Variants in GLRA2 observed in about 807,000 individuals in gnomAD.
The protein encoded by GLRA2 is glycine receptor alpha 2.
Under a neutral mutation model 31.6 loss-of-function variants are expected in GLRA2, and 11 were observed. The ratio of observed to expected loss-of-function variants is 0.35; its 90% confidence interval spans 0.22 to 0.58. GLRA2 has a LOEUF of 0.58. Among genes scored for constraint, GLRA2 ranks in the 20% least tolerant of loss-of-function variants. The probability of loss-of-function intolerance (pLI) is 0.84; values close to 1 mark genes in which losing one functional copy is unlikely to be tolerated. For missense variants in GLRA2, 212 were observed against 351.8 expected (o/e 0.60, Z 3.18); for synonymous variants, 132 against 134.0 (o/e 0.99, Z 0.10).
At chrX:14,618,226 C>A (rs1278365067) in intron 7 of GLRA2, among the ~76,000 whole-genome samples, 1 of 111,680 alleles carries the variant, frequency 9.0e-6, no homozygotes, top group African/African-American at 3.2e-5. Context: ...TATGTGCCTA[C>A]CTCTCTTTAT....
At chrX:14,681,910 A>AATATATATAT (rs1556060452) in intron 7 of GLRA2, among the ~76,000 whole-genome samples, 18 of 41,267 alleles carry the variant, frequency 4.4e-4, no homozygotes, top group African/African-American at 1.5e-3. Context: ...AAAAAAAAAA[A>AATATATATAT]ATATATATAT....
intron 4 of GLRA2, among the ~76,000 whole-genome samples, chrX:14,595,132 T>C (rs772203092): frequency 1.8e-5 from 2 of 111,212 alleles, no homozygotes; most frequent in Non-Finnish European, 3.8e-5. Flanking sequence ...TCTTTCCCTT[T>C]GATTTTCTTA....
chrX:14,731,378 A>T lies in GLRA2; in HGVS notation c.*893A>T, dbSNP rs2091992046. ...TATTTACACGTGACTTTAATCGCCC[A>T]ACTGTGACTAGTCATTGCAGCTACT... On this transcript the variant is annotated 3_prime_UTR_variant, in exon 9 of 9. Coordinates refer to ENST00000218075, the MANE Select transcript of GLRA2 (RefSeq NM_002063.4). 8.9e-6 allele frequency: 1 copy of T among 111,781 alleles called. No individual in the cohort carries two copies. The highest frequency in any genetic ancestry group is 1.9e-5 in the Non-Finnish European group (1 of 53,176). The allele number at this position is 111,781 out of a possible 1,213,427, so 9.2% of individuals were successfully genotyped here. A position where few individuals can be genotyped will look rare whatever the true frequency, so the allele number is the denominator to read the frequency against.
chrX:14,595,638 G>C (rs2090193445), intron 4 of GLRA2, among the ~76,000 whole-genome samples: 1 of 111,473 alleles, frequency 9.0e-6, no homozygotes. Flanking sequence ...GGAGCATCAA[G>C]TCATGCTTCT....
At chrX:14,468,068 C>T in the GLRA2 span, among the ~76,000 whole-genome samples, 2 of 111,615 alleles carry the variant, frequency 1.8e-5, no homozygotes, top group Non-Finnish European at 1.9e-5. Context: ...GAGAAATCTT[C>T]CCTGATCTGT....
chrX:14,456,760 G>T, the GLRA2 span, among the ~76,000 whole-genome samples: 47 of 112,115 alleles, frequency 4.2e-4, no homozygotes, highest in African/African-American at 1.5e-3. Flanking sequence ...TTCATCTGTT[G>T]TTGGGCACGT....
the GLRA2 span, among the ~76,000 whole-genome samples, chrX:14,498,722 CTG>C: frequency 9.0e-6 from 1 of 111,286 alleles, no homozygotes; most frequent in African/African-American, 3.3e-5. Flanking sequence ...TTACAACAAA[CTG>C]TATCTTTATA....
At chrX:14,661,874 G>A (rs866607492) in intron 7 of GLRA2, among the ~76,000 whole-genome samples, 366 of 63,980 alleles carry the variant, frequency 5.7e-3, no homozygotes, top group East Asian at 9.6e-3. Context: ...CTCTGTCTCA[G>A]AAAAAAAAAA....
chrX:14,630,972 A>G (rs889948140), intron 7 of GLRA2, among the ~76,000 whole-genome samples: 3 of 110,367 alleles, frequency 2.7e-5, no homozygotes, highest in Non-Finnish European at 5.7e-5. Context: ...AACTCCTTCC[A>G]TCAAGCCCCT....
chrX:14,706,519 T>A (rs1017830485), intron 8 of GLRA2, among the ~76,000 whole-genome samples: 3 of 112,497 alleles, frequency 2.7e-5, no homozygotes, highest in African/African-American at 9.7e-5. Flanking sequence ...TTATTTTTAA[T>A]TGTGAAAGAT....
chrX:14,683,893 A>G (rs2147172573), intron 7 of GLRA2, among the ~76,000 whole-genome samples: 1 of 110,218 alleles, frequency 9.1e-6, no homozygotes, highest in Non-Finnish European at 1.9e-5. Context: ...AACTTAAAGT[A>G]TAATAATAAA....
chrX:14,643,375 C>T (rs1032158336), intron 7 of GLRA2, among the ~76,000 whole-genome samples: 2 of 111,768 alleles, frequency 1.8e-5, no homozygotes, highest in African/African-American at 3.2e-5. Flanking sequence ...AGAAAAGGAA[C>T]ATACCTGGTT....
the GLRA2 span, among the ~76,000 whole-genome samples, chrX:14,458,435 A>C: frequency 8.9e-6 from 1 of 112,052 alleles, no homozygotes; most frequent in African/African-American, 3.2e-5. Context: ...TAGATCCCTG[A>C]GGAATTGCCA....
At chrX:14,650,412 TTTG>T (rs2090876499) in intron 7 of GLRA2, among the ~76,000 whole-genome samples, 1 of 110,893 alleles carries the variant, frequency 9.0e-6, no homozygotes, top group African/African-American at 3.3e-5. Flanking sequence ...CTTCTGCTCT[TTTG>T]TTCTTTAGTG....
At chrX:14,653,336 T>A (rs1299743352) in intron 7 of GLRA2, among the ~76,000 whole-genome samples, 1 of 112,226 alleles carries the variant, frequency 8.9e-6, no homozygotes, top group Non-Finnish European at 1.9e-5. Context: ...CCATTCTAGA[T>A]GCCATTAAGA....
chrX:14,450,646 C>T, the GLRA2 span, among the ~76,000 whole-genome samples: 11 of 112,140 alleles, frequency 9.8e-5, no homozygotes, highest in South Asian at 1.1e-3. Context: ...ATCAGGCTAA[C>T]GGTGGGCTTC....
At chrX:14,549,906 G>T (rs2089533594) in intron 2 of GLRA2, among the ~76,000 whole-genome samples, 1 of 111,645 alleles carries the variant, frequency 9.0e-6, no homozygotes, top group African/African-American at 3.3e-5. Context: ...CTCAACAAGG[G>T]ATACAGAGAA....
chrX:14,589,635 C>A (rs1466172922), intron 4 of GLRA2, among the ~76,000 whole-genome samples: 3 of 106,204 alleles, frequency 2.8e-5, no homozygotes, highest in Admixed American at 1.0e-4. Context: ...TGTGCCACTG[C>A]ACTCCAGCCT....
intron 7 of GLRA2, among the ~76,000 whole-genome samples, chrX:14,681,910 A>AAAAAATAT (rs758563376): frequency 2.4e-5 from 1 of 41,294 alleles, no homozygotes; most frequent in African/African-American, 1.2e-4. Flanking sequence ...AAAAAAAAAA[A>AAAAAATAT]ATATATATAT....
Sources: gnomAD v4.1 joint callset for allele counts (sites outside exome capture counted in the v4.1 genomes callset) on GRCh38, gnomAD v4.1.1 for gene constraint, MANE v1.5 for transcripts, NCBI Gene and HGNC (gene_info 2026-07-23, HGNC 2026-07-21) for gene names.